PRKN: variants seen among roughly 807,000 people sequenced by gnomAD.
The protein encoded by PRKN is parkin RBR E3 ubiquitin protein ligase.
In PRKN, 56 loss-of-function variants were observed where a neutral mutation model predicts 59.5. The ratio of observed to expected loss-of-function variants is 0.94; its 90% CI spans 0.76 to 1.18. PRKN has a LOEUF of 1.18. PRKN is among the 50% of genes most tolerant of loss of function. The pLI is 0.00. For synonymous variants in PRKN, 250 were observed against 222.1 expected (o/e 1.13, Z -1.12); for missense variants, 657 against 596.4 (o/e 1.10, Z -1.06).
chr6:162,427,206 C>T (rs765427453), intron 2 of PRKN, among the ~76,000 whole-genome samples: 4 of 152,056 alleles, frequency 2.6e-5, no homozygotes, highest in Admixed American at 6.6e-5. Context: ...TAAACGTTGG[C>T]GAGGATGTGA....
intron 2 of PRKN, among the ~76,000 whole-genome samples, chr6:162,430,729 T>C (rs144631247): frequency 4.6e-5 from 7 of 152,246 alleles, no homozygotes; most frequent in African/African-American, 1.7e-4. Flanking sequence ...AACTCCAGCA[T>C]AGATCAGGCC....
intron 5 of PRKN, among the ~76,000 whole-genome samples, chr6:162,009,612 C>T (rs111986349): frequency 2.0e-5 from 3 of 151,930 alleles, no homozygotes; most frequent in South Asian, 2.1e-4. Flanking sequence ...TTGCCCTTCA[C>T]AGGCACACAG....
chr6:161,648,083 T>C (rs1204826314), intron 7 of PRKN, among the ~76,000 whole-genome samples: 2 of 152,360 alleles, frequency 1.3e-5, no homozygotes, highest in Admixed American at 1.3e-4. Context: ...TTTGGCTCTC[T>C]TCCAGCCAGG....
chr6:161,822,901 A>G (rs1583209297), intron 6 of PRKN, among the ~76,000 whole-genome samples: 1 of 151,958 alleles, frequency 6.6e-6, no homozygotes, highest in Non-Finnish European at 1.5e-5. Flanking sequence ...TGGCTTGTTT[A>G]CTTATATCCT....
chr6:162,584,860 TCCTCCCCTCCCCTCC>T lies in PRKN; in HGVS notation c.8-141402_8-141388del, dbSNP rs1159246085. Among the ~76,000 whole-genome samples, 8 of 2,360 alleles carry T rather than the reference TCCTCCCCTCCCCTCC, an allele frequency of 3.4e-3. No individual in the cohort carries two copies. The East Asian group carries it at 0.036, about 11-fold the overall frequency. The allele number at this position is 2,360 out of a possible 152,430, so 1.5% of individuals were successfully genotyped here. On this transcript the variant is annotated intron_variant, in intron 1 of 11. Transcript: ENST00000366898. ...ATCCCCTCCCCTCCCCTGTCCCATC[TCCTCCCCTCCCCTCC>T]CCTCCCCTCCCCTCCCCTCCCCTCT...
intron 10 of PRKN, among the ~76,000 whole-genome samples, chr6:161,384,240 T>C (rs1235273022): frequency 3.9e-5 from 6 of 152,238 alleles, no homozygotes; most frequent in Non-Finnish European, 8.8e-5. Flanking sequence ...GGGTGTTTAA[T>C]GCATATTTGT....
chr6:161,730,601 T>G (rs150502662), intron 7 of PRKN, among the ~76,000 whole-genome samples: 1,805 of 145,036 alleles, frequency 0.012, 147 homozygotes, highest in African/African-American at 0.05. Flanking sequence ...GTTGCATTCT[T>G]TCTGATACAT....
At chr6:161,747,361 T>C (rs922184440) in intron 7 of PRKN, among the ~76,000 whole-genome samples, 1 of 151,922 alleles carries the variant, frequency 6.6e-6, no homozygotes, top group African/African-American at 2.4e-5. Context: ...TGTCCTGAAT[T>C]CACATAAACC....
intron 6 of PRKN, among the ~76,000 whole-genome samples, chr6:161,862,174 A>G (rs1793930356): frequency 6.6e-6 from 1 of 152,152 alleles, no homozygotes; most frequent in African/African-American, 2.4e-5. Flanking sequence ...TTTTCCACAT[A>G]TGGTCATATT....
chr6:162,565,693 AATAAATACATAC>A (rs1258786189), intron 1 of PRKN, among the ~76,000 whole-genome samples: 3 of 131,620 alleles, frequency 2.3e-5, no homozygotes, highest in Admixed American at 1.6e-4. Flanking sequence ...TCAGTCTCAA[AATAAATACATAC>A]ATACATACAT....
At chr6:162,060,792 C>A (rs1431030421) in intron 4 of PRKN, among the ~76,000 whole-genome samples, 2 of 151,984 alleles carry the variant, frequency 1.3e-5, no homozygotes, top group African/African-American at 4.8e-5. Context: ...AATAGAAAAC[C>A]ATGGCATTTA....
At chr6:162,516,427 T>C (rs903512035) in intron 1 of PRKN, among the ~76,000 whole-genome samples, 1 of 152,200 alleles carries the variant, frequency 6.6e-6, no homozygotes, top group African/African-American at 2.4e-5. Flanking sequence ...GCTAGATTCC[T>C]GTATCACTAC....
intron 1 of PRKN, among the ~76,000 whole-genome samples, chr6:162,606,786 G>C (rs894829465): frequency 2.6e-5 from 4 of 152,160 alleles, no homozygotes; most frequent in Non-Finnish European, 5.9e-5. Context: ...GTGCAACCTT[G>C]CTTCACTGCA....
chr6:161,922,667 G>C (rs1052136302), intron 6 of PRKN, among the ~76,000 whole-genome samples: 1 of 152,116 alleles, frequency 6.6e-6, no homozygotes, highest in Non-Finnish European at 1.5e-5. Flanking sequence ...CCATTAAAAA[G>C]TTCCAAAGTA....
rs981869289 is a variant in PRKN, at chr6:161,442,626, G to A, written c.1084-55749C>T. ...GCGACCTGGACCAAGGGTGGCCTTC[G>A]CTGTCTTGGACTGGACGGGCTGGAC... On this transcript the variant is annotated intron_variant, in intron 9 of 11. Transcript: ENST00000366898. This position sits in a 1 kb window ranked among gnomAD's most constrained non-coding sequence, Gnocchi z 4.6. Among the ~76,000 whole-genome samples the A allele has an allele frequency of 1.3e-5, 2 of 152,192 alleles. No individual in the cohort carries two copies. Among genetic ancestry groups the A allele is most frequent in the Non-Finnish European group, 1.5e-5 (1 of 68,044 alleles).
At position 161,351,080 on chromosome 6, in the gene PRKN, T is replaced by A. The variant is rs1188821981; in HGVS notation, c.1286-869A>T. On this transcript the variant is annotated intron_variant, in intron 11 of 11. Coordinates refer to ENST00000366898, the MANE Select transcript of PRKN (RefSeq NM_004562.3). ...TATATATTTATATTTAAAATATATATAAATATATTTTTATATATTTATATT... is the reference window on the plus strand; with the variant it reads ...TATATATTTATATTTAAAATATATAAAAATATATTTTTATATATTTATATT... Among the ~76,000 whole-genome samples, 1,013 of 111,602 alleles carry A rather than the reference T, an allele frequency of 9.1e-3. 42 individuals are homozygous for A. Among genetic ancestry groups the A allele is most frequent in the African/African-American group, 0.035 (958 of 27,040 alleles). 73.2% of individuals were successfully genotyped at this position (111,602 alleles called of 152,430 possible).
At chr6:162,245,506 A>C (rs989377166) in intron 3 of PRKN, among the ~76,000 whole-genome samples, 3 of 151,574 alleles carry the variant, frequency 2.0e-5, no homozygotes, top group African/African-American at 7.3e-5. Flanking sequence ...TATAATATCT[A>C]ATATAATATA....
intron 1 of PRKN, among the ~76,000 whole-genome samples, chr6:162,605,705 TATTATACC>T (rs1781886584): frequency 6.6e-6 from 1 of 152,152 alleles, no homozygotes; most frequent in African/African-American, 2.4e-5. Context: ...GGTAATGATT[TATTATACC>T]CAAACAGCAA....
At chr6:162,000,169 A>C (rs1781995988) in intron 5 of PRKN, among the ~76,000 whole-genome samples, 1 of 152,126 alleles carries the variant, frequency 6.6e-6, no homozygotes, top group African/African-American at 2.4e-5. Context: ...CAAGCAGTTA[A>C]ATTGCTGGAT....
Sources: allele counts gnomAD v4.1 joint callset (sites outside exome capture counted in the v4.1 genomes callset), GRCh38; gene constraint gnomAD v4.1.1; non-coding constraint Gnocchi (gnomAD v3.1); transcripts MANE v1.5; gene names NCBI Gene and HGNC (gene_info 2026-07-23, HGNC 2026-07-21).